The following HS6ST3 variants were observed in gnomAD, a reference collection of about 807,000 sequenced individuals.
HS6ST3 encodes heparan-sulfate 6-O-sulfotransferase 3.
A neutral mutation model predicts 36.7 loss-of-function variants in HS6ST3; 12 were observed. That is an observed-to-expected ratio of 0.33 (90% CI 0.21 to 0.53). The LOEUF is 0.53. HS6ST3 is among the 20% of genes least tolerant of loss of function. The pLI, the probability that HS6ST3 is intolerant of heterozygous loss-of-function variation, is 0.95. For missense variants in HS6ST3, 584 were observed against 640.9 expected (o/e 0.91, Z 0.96); for synonymous variants, 240 against 257.5 (o/e 0.93, Z 0.65).
intron 1 of HS6ST3, among the ~76,000 whole-genome samples, chr13:96,137,727 C>T (rs1279124307): frequency 1.2e-4 from 19 of 152,260 alleles, no homozygotes; most frequent in Admixed American, 5.2e-4. Context: ...TTTCTGCCGC[C>T]GTGGGCCACC....
intron 1 of HS6ST3, among the ~76,000 whole-genome samples, chr13:96,634,099 G>A (rs918905439): frequency 1.2e-4 from 18 of 152,186 alleles, no homozygotes; most frequent in African/African-American, 4.1e-4. Flanking sequence ...GCCCTCACCA[G>A]AACCTAGCCA....
At chr13:96,125,178 A>G (rs761294440) in intron 1 of HS6ST3, among the ~76,000 whole-genome samples, 3 of 152,206 alleles carry the variant, frequency 2.0e-5, no homozygotes, top group African/African-American at 7.2e-5. Flanking sequence ...ATTGCCGTTA[A>G]ATCAAAGATA....
chr13:96,668,741 T>G (rs2056673441), intron 1 of HS6ST3, among the ~76,000 whole-genome samples: 1 of 140,610 alleles, frequency 7.1e-6, no homozygotes, highest in Non-Finnish European at 1.5e-5. Context: ...CAGGTACATT[T>G]GTTGTTATGC....
At position 96,836,507 on chromosome 13, in the gene HS6ST3, T is replaced by C. The variant is rs995667506; in HGVS notation, c.*3309T>C. The C allele has an allele frequency of 6.6e-6, 1 of 152,222 alleles. No individual in the cohort carries two copies. The highest frequency in any genetic ancestry group is 1.5e-5 in the Non-Finnish European group (1 of 68,044). 9.4% of individuals were successfully genotyped at this position (152,222 alleles called of 1,614,324 possible). A position where few individuals can be genotyped will look rare whatever the true frequency, so the allele number is the denominator to read the frequency against. ...ATCAGTGTTAGACAACAGTGAGGCA[T>C]ATCATGTGTTTTTATTAAAAATGAT... On this transcript the variant is annotated 3_prime_UTR_variant, in exon 2 of 2. Transcript: ENST00000376705.
intron 1 of HS6ST3, among the ~76,000 whole-genome samples, chr13:96,484,911 A>G (rs1339453284): frequency 1.3e-5 from 2 of 152,182 alleles, no homozygotes; most frequent in Admixed American, 6.5e-5. Context: ...AGGCACCTCC[A>G]TACTGTTTTT....
intron 1 of HS6ST3, among the ~76,000 whole-genome samples, chr13:96,477,964 C>G (rs964780712): frequency 6.6e-6 from 1 of 152,098 alleles, no homozygotes; most frequent in African/African-American, 2.4e-5. Context: ...AAAGCTAACC[C>G]AAACCAAACA....
At chr13:96,781,587 T>C (rs1051638348) in intron 1 of HS6ST3, among the ~76,000 whole-genome samples, 3 of 152,208 alleles carry the variant, frequency 2.0e-5, no homozygotes, top group East Asian at 3.8e-4. Context: ...AAAAGGCATG[T>C]ACTATAAAAA....
intron 1 of HS6ST3, among the ~76,000 whole-genome samples, chr13:96,237,727 A>G (rs942794508): frequency 6.6e-6 from 1 of 152,206 alleles, no homozygotes; most frequent in Non-Finnish European, 1.5e-5. Flanking sequence ...TGAGCTTTGT[A>G]TGGGTTAATT....
At chr13:96,410,214 A>G (rs1474685772) in intron 1 of HS6ST3, among the ~76,000 whole-genome samples, 1 of 152,214 alleles carries the variant, frequency 6.6e-6, no homozygotes, top group Non-Finnish European at 1.5e-5. Context: ...TCTGTAGAAC[A>G]CTTAGACAAT....
intron 1 of HS6ST3, among the ~76,000 whole-genome samples, chr13:96,118,690 T>TA (rs2053910118): frequency 3.2e-5 from 1 of 31,094 alleles, no homozygotes; most frequent in Non-Finnish European, 5.3e-5. Flanking sequence ...ATATATATAT[T>TA]TTTTTTTTTT....
At chr13:96,144,412 A>G (rs2054046497) in intron 1 of HS6ST3, among the ~76,000 whole-genome samples, 1 of 152,086 alleles carries the variant, frequency 6.6e-6, no homozygotes, top group Non-Finnish European at 1.5e-5. Context: ...CAGCACAGAG[A>G]AAAACACTCA....
chr13:96,640,901 G>A (rs1470839913), intron 1 of HS6ST3, among the ~76,000 whole-genome samples: 2 of 151,822 alleles, frequency 1.3e-5, no homozygotes, highest in African/African-American at 4.8e-5. Flanking sequence ...TTCTGTTCTA[G>A]TAGTCTGTAT....
intron 1 of HS6ST3, among the ~76,000 whole-genome samples, chr13:96,261,718 A>G (rs765519611): frequency 7.2e-5 from 11 of 152,212 alleles, no homozygotes; most frequent in Non-Finnish European, 7.3e-5. Flanking sequence ...TTAAAATGCT[A>G]TTCTCCAAAG....
intron 1 of HS6ST3, among the ~76,000 whole-genome samples, chr13:96,401,863 C>T (rs964759211): frequency 1.2e-4 from 19 of 152,132 alleles, no homozygotes; most frequent in Admixed American, 8.5e-4. Context: ...TGTGAGTCAC[C>T]GCACCCAGCA....
At chr13:96,100,061 T>C (rs569890264) in intron 1 of HS6ST3, among the ~76,000 whole-genome samples, 7 of 151,620 alleles carry the variant, frequency 4.6e-5, no homozygotes, top group Admixed American at 6.6e-5. Flanking sequence ...ATTGGAAGAA[T>C]GATACAAAGG....
At chr13:96,511,148 T>C (rs2056048279) in intron 1 of HS6ST3, among the ~76,000 whole-genome samples, 1 of 152,190 alleles carries the variant, frequency 6.6e-6, no homozygotes, top group Non-Finnish European at 1.5e-5. Context: ...ATGTTTTATC[T>C]TTTCAGCACT....
intron 1 of HS6ST3, among the ~76,000 whole-genome samples, chr13:96,615,466 G>A (rs2056470835): frequency 6.6e-6 from 1 of 152,126 alleles, no homozygotes; most frequent in Non-Finnish European, 1.5e-5. Flanking sequence ...TGGATGGTGG[G>A]TCTTGTGACC....
At chr13:96,737,488 G>A (rs1594848600) in intron 1 of HS6ST3, among the ~76,000 whole-genome samples, 1 of 150,948 alleles carries the variant, frequency 6.6e-6, no homozygotes, top group African/African-American at 2.4e-5. Context: ...AGCCGGGCGC[G>A]GTGGCGGGTG....
intron 1 of HS6ST3, among the ~76,000 whole-genome samples, chr13:96,540,211 G>A (rs1035852569): frequency 4.6e-5 from 7 of 152,144 alleles, no homozygotes; most frequent in Admixed American, 6.5e-5. Context: ...TAACTCTTTG[G>A]CAAGTTCAGC....
Sources: allele counts gnomAD v4.1 joint callset (sites outside exome capture counted in the v4.1 genomes callset), GRCh38; gene constraint gnomAD v4.1.1; transcripts MANE v1.5; gene names NCBI Gene and HGNC (gene_info 2026-07-23, HGNC 2026-07-21).